The following HS6ST3 variants were observed in gnomAD, a reference collection of about 807,000 sequenced individuals.
HS6ST3 encodes heparan sulfate 6-O-sulfotransferase 3.
A neutral mutation model predicts 36.7 loss-of-function variants in HS6ST3; 12 were observed. That is an observed-to-expected ratio of 0.33 (90% confidence interval 0.21 to 0.53). HS6ST3 has a LOEUF of 0.53. Among genes scored for constraint, HS6ST3 ranks in the 20% least tolerant of loss-of-function variants. The pLI is 0.95. For missense variants in HS6ST3, 584 were observed against 640.9 expected, an observed-to-expected ratio of 0.91 and a Z score of 0.96; for synonymous variants, 240 against 257.5, an observed-to-expected ratio of 0.93 and a Z score of 0.65.
At chr13:96,372,812 T>C (rs1163028169) in intron 1 of HS6ST3, among the ~76,000 whole-genome samples, 1 of 152,254 alleles carries the variant, frequency 6.6e-6, no homozygotes, top group African/African-American at 2.4e-5. Flanking sequence ...GTTCTGCTAC[T>C]GTGCTCTCTA....
intron 1 of HS6ST3, among the ~76,000 whole-genome samples, chr13:96,356,079 T>G (rs1326713147): frequency 6.6e-6 from 1 of 152,194 alleles, no homozygotes. Context: ...CAGGCTCATA[T>G]TCAAGAGAAC....
chr13:96,776,231 G>C (rs555861282), intron 1 of HS6ST3, among the ~76,000 whole-genome samples: 2 of 152,068 alleles, frequency 1.3e-5, no homozygotes, highest in Admixed American at 6.6e-5. Context: ...GTCCACAGGA[G>C]AAAGCAGAAA....
intron 1 of HS6ST3, among the ~76,000 whole-genome samples, chr13:96,801,176 C>A (rs1878058760): frequency 6.6e-6 from 1 of 152,128 alleles, no homozygotes; most frequent in Admixed American, 6.6e-5. Context: ...TTCCCACTTA[C>A]ATCAAGGCTG....
At chr13:96,812,765 G>A (rs947979853) in intron 1 of HS6ST3, among the ~76,000 whole-genome samples, 7 of 150,332 alleles carry the variant, frequency 4.7e-5, no homozygotes, top group South Asian at 2.1e-4. Flanking sequence ...AATTATTTTT[G>A]TATTTAAAAA....
chr13:96,640,317 A>C (rs2056565957), intron 1 of HS6ST3, among the ~76,000 whole-genome samples: 1 of 151,970 alleles, frequency 6.6e-6, no homozygotes, highest in Middle Eastern at 3.2e-3. Flanking sequence ...TCTGATGATT[A>C]GTGATGATGA....
At chr13:96,305,897 C>A (rs2054910201) in intron 1 of HS6ST3, among the ~76,000 whole-genome samples, 1 of 134,138 alleles carries the variant, frequency 7.5e-6, no homozygotes, top group Non-Finnish European at 1.6e-5. Flanking sequence ...TTTCTATTAA[C>A]ATTTATGTAC....
At chr13:96,108,756 A>T (rs535737243) in intron 1 of HS6ST3, among the ~76,000 whole-genome samples, 1 of 152,350 alleles carries the variant, frequency 6.6e-6, no homozygotes, top group South Asian at 2.1e-4. Flanking sequence ...AGAGCAGAAA[A>T]TAAAAAATAG....
intron 1 of HS6ST3, among the ~76,000 whole-genome samples, chr13:96,620,177 A>T (rs1045739718): frequency 6.6e-6 from 1 of 152,242 alleles, no homozygotes; most frequent in Admixed American, 6.5e-5. Flanking sequence ...GCTATAAAAG[A>T]AAGTTGTCTG....
At chr13:96,184,221 AAGAGAG>A (rs1555389927) in intron 1 of HS6ST3, among the ~76,000 whole-genome samples, 1 of 61,004 alleles carries the variant, frequency 1.6e-5, no homozygotes, top group Non-Finnish European at 2.9e-5. Flanking sequence ...AAAAAAAAAA[AAGAGAG>A]AGAGAGAGAA....
rs187000197 is a variant in HS6ST3 at position 96,346,349 on chromosome 13, C to T, written c.707+254780C>T. Among the ~76,000 whole-genome samples the T allele has an allele frequency of 2.7e-3, 418 of 152,088 alleles. 2 individuals carry two copies. Among genetic ancestry groups the T allele is most frequent in the Non-Finnish European group, 4.0e-3 (274 of 67,964 alleles). ...CAGCACTTTGGGAGGCCAAGGTGGG[C>T]GGATCATGAGATCAGGAGATCAAGA... On this transcript the variant is annotated intron_variant, in intron 1 of 1. Transcript: ENST00000376705.
chr13:96,416,747 G>A (rs531347519), intron 1 of HS6ST3, among the ~76,000 whole-genome samples: 2 of 151,202 alleles, frequency 1.3e-5, no homozygotes, highest in African/African-American at 4.9e-5. Context: ...GAGGCATAGG[G>A]TAACATTTTT....
Position 96,459,109 on chromosome 13 carries a change from A to AAAG in HS6ST3, c.707+367542_707+367543insGAA, listed in dbSNP as rs1210259870. 1.4e-5 allele frequency among the ~76,000 whole-genome samples: 2 copies of AAAG among 141,630 alleles called. 1 individual carries two copies. Among genetic ancestry groups the AAAG allele is most frequent in the African/African-American group, 5.0e-5 (2 of 40,322 alleles). The allele number at this position is 141,630 out of a possible 152,430, so 92.9% of individuals were successfully genotyped here. On this transcript the variant is annotated intron_variant, in intron 1 of 1. Coordinates refer to ENST00000376705, the MANE Select transcript of HS6ST3 (RefSeq NM_153456.4). ...ACAGAGCAAGACTGTCTAAAAAAAA[A>AAAG]AAAAAAAAAAAAAAAAGAGGTGACA...
chr13:96,202,781 C>T (rs956581269), intron 1 of HS6ST3, among the ~76,000 whole-genome samples: 1 of 152,198 alleles, frequency 6.6e-6, no homozygotes, highest in Non-Finnish European at 1.5e-5. Flanking sequence ...GACTTGCCCA[C>T]TGTGGAAATG....
intron 1 of HS6ST3, among the ~76,000 whole-genome samples, chr13:96,646,854 T>C (rs1023796469): frequency 4.6e-5 from 7 of 151,990 alleles, no homozygotes; most frequent in Non-Finnish European, 5.9e-5. Flanking sequence ...ATTTAATAAC[T>C]GACTTTTTCC....
chr13:96,793,316 G>T (rs1241602827), intron 1 of HS6ST3, among the ~76,000 whole-genome samples: 1 of 151,998 alleles, frequency 6.6e-6, no homozygotes, highest in African/African-American at 2.4e-5. Context: ...GCTGTTTTTT[G>T]ATTGGAGAGG....
In HS6ST3 at chr13:96,561,642, C is replaced by T. The variant is rs183889978; in HGVS notation, c.708-270848C>T. On this transcript the variant is annotated intron_variant, in intron 1 of 1. Transcript: ENST00000376705. ...AAACACTGAGAAACTATGCATCTGT[C>T]AAAGTCTAATATTCAAAAACTATAA... 9.9e-4 allele frequency among the ~76,000 whole-genome samples: 151 copies of T among 152,112 alleles called. 1 individual carries two copies. Among genetic ancestry groups the T allele is most frequent in the Admixed American group, 1.7e-3 (26 of 15,260 alleles).
At chr13:96,538,669 C>T (rs1317950700) in intron 1 of HS6ST3, among the ~76,000 whole-genome samples, 1 of 152,196 alleles carries the variant, frequency 6.6e-6, no homozygotes, top group African/African-American at 2.4e-5. Flanking sequence ...GTCTTGAACT[C>T]CTGGCCTCAA....
intron 1 of HS6ST3, among the ~76,000 whole-genome samples, chr13:96,683,120 T>C (rs1321588546): frequency 6.6e-6 from 1 of 152,138 alleles, no homozygotes; most frequent in Non-Finnish European, 1.5e-5. Context: ...CTTCTTAATA[T>C]TGACAGTATG....
In HS6ST3 at chr13:96,718,515, C is replaced by G. The variant is rs568691460; in HGVS notation, c.708-113975C>G. 2.6e-5 allele frequency among the ~76,000 whole-genome samples: 4 copies of G among 152,228 alleles called. No individual in the cohort carries two copies. In the East Asian group the frequency reaches 7.7e-4, roughly 29 times the overall value. ...CAAAAAAGAAATTGGATGCTGACCTCTGTAACTACCAATTTCTAATTTAGG... is the reference window on the plus strand; with the variant it reads ...CAAAAAAGAAATTGGATGCTGACCTGTGTAACTACCAATTTCTAATTTAGG... On this transcript the variant is annotated intron_variant, in intron 1 of 1. Transcript: ENST00000376705.
Sources: gnomAD v4.1 joint callset for allele counts (sites outside exome capture counted in the v4.1 genomes callset) on GRCh38, gnomAD v4.1.1 for gene constraint, MANE v1.5 for transcripts, NCBI Gene and HGNC (gene_info 2026-07-23, HGNC 2026-07-21) for gene names.